The following DSCAM variants were observed in gnomAD, a reference collection of about 807,000 sequenced individuals.
DSCAM encodes the protein cell adhesion molecule DSCAM.
DSCAM carries 47 observed loss-of-function variants against 217.7 expected under a neutral mutation model. That is an observed-to-expected ratio of 0.22 (90% CI 0.17 to 0.28). DSCAM has a LOEUF of 0.28. Among genes scored for constraint, DSCAM ranks in the 10% least tolerant of loss-of-function variants. The probability of loss-of-function intolerance (pLI) is 1.00; values close to 1 mark genes in which losing one functional copy is unlikely to be tolerated. For synonymous variants in DSCAM, 1,056 were observed against 1,015.3 expected (o/e 1.04, Z -0.76); for missense variants, 2,080 against 2,618.3 (o/e 0.79, Z 4.49).
chr21:40,339,058 ATCT>A (rs1169179564), intron 7 of DSCAM, 58 bp downstream of exon 7: 64 of 1,581,596 alleles, frequency 4.0e-5, no homozygotes, highest in African/African-American at 1.9e-4. Flanking sequence ...GCATGCAGAA[ATCT>A]TCTTCTCCAC....
At chr21:40,051,003 T>C (rs2088922011) in intron 30 of DSCAM, among the ~76,000 whole-genome samples, 1 of 152,228 alleles carries the variant, frequency 6.6e-6, no homozygotes, top group Non-Finnish European at 1.5e-5. Context: ...TATATTACAA[T>C]GTTATTTCGT....
At chr21:40,794,549 A>AAG (rs2091674306) in intron 1 of DSCAM, among the ~76,000 whole-genome samples, 1 of 151,942 alleles carries the variant, frequency 6.6e-6, no homozygotes, top group Non-Finnish European at 1.5e-5. Flanking sequence ...TTGGAAAAAA[A>AAG]AAAAAAAAAG....
intron 11 of DSCAM, among the ~76,000 whole-genome samples, chr21:40,200,190 C>T (rs1213657621): frequency 6.6e-6 from 1 of 152,082 alleles, no homozygotes. Flanking sequence ...TTGAAATTTC[C>T]ATTTTCTCAG....
chr21:40,563,704 G>A lies in DSCAM; in HGVS notation c.508+129106C>T, dbSNP rs201563806. Among the ~76,000 whole-genome samples, 42 of 142,812 alleles carry A rather than the reference G, an allele frequency of 2.9e-4. 1 individual carries two copies. In the East Asian group the frequency reaches 6.3e-3, roughly 21 times the overall value. The allele number at this position is 142,812 out of a possible 152,430, so 93.7% of individuals were successfully genotyped here. A position where few individuals can be genotyped will look rare whatever the true frequency, so the allele number is the denominator to read the frequency against. ...TATGTTTATATATAGTTATATGTGTGTATATAGTTATGTTTATATATGTTT... is the reference window on the plus strand; with the variant it reads ...TATGTTTATATATAGTTATATGTGTATATATAGTTATGTTTATATATGTTT... On this transcript the variant is annotated intron_variant, in intron 3 of 32. Transcript: ENST00000400454.
At chr21:40,407,857 A>G (rs1209797942) in intron 3 of DSCAM, among the ~76,000 whole-genome samples, 1 of 152,180 alleles carries the variant, frequency 6.6e-6, no homozygotes, top group East Asian at 1.9e-4. Flanking sequence ...GTTTATCTTG[A>G]GTAATAACTT....
chr21:40,238,307 C>T (rs1195373345), intron 11 of DSCAM, among the ~76,000 whole-genome samples: 1 of 152,184 alleles, frequency 6.6e-6, no homozygotes, highest in Admixed American at 6.5e-5. Flanking sequence ...TTTGGACAAG[C>T]ATACTCAGGA....
rs533867187 is a variant in DSCAM, at chr21:40,378,476, C to G, written c.509-9231G>C. On this transcript the variant is annotated intron_variant, in intron 3 of 32. Transcript: ENST00000400454. ...TCCCTCTTGCAACGTCAAAGATTAT[C>G]CTATGGAAAAACTCAGAAGTGCACA... 1.3e-4 allele frequency among the ~76,000 whole-genome samples: 19 copies of G among 150,586 alleles called. No individual in the cohort carries two copies. In the South Asian group the frequency reaches 3.1e-3, roughly 25 times the overall value.
At chr21:40,174,413 A>T (rs1046585255) in intron 15 of DSCAM, among the ~76,000 whole-genome samples, 1 of 152,184 alleles carries the variant, frequency 6.6e-6, no homozygotes, top group Non-Finnish European at 1.5e-5. Flanking sequence ...TTTGCAGTAG[A>T]TACAGCAGAA....
chr21:40,576,917 A>T (rs1388046316), intron 3 of DSCAM, among the ~76,000 whole-genome samples: 1 of 151,796 alleles, frequency 6.6e-6, no homozygotes, highest in African/African-American at 2.4e-5. Context: ...GTTAGAGAAA[A>T]CGCCACACTT....
intron 11 of DSCAM, among the ~76,000 whole-genome samples, chr21:40,222,387 G>C (rs575521178): frequency 4.7e-4 from 71 of 152,248 alleles, no homozygotes; most frequent in African/African-American, 1.7e-3. Flanking sequence ...AATGCAATAG[G>C]GTAGGAAAAG....
At chr21:40,479,581 G>A (rs1050419464) in intron 3 of DSCAM, among the ~76,000 whole-genome samples, 4 of 152,148 alleles carry the variant, frequency 2.6e-5, no homozygotes, top group African/African-American at 4.8e-5. Flanking sequence ...GCAAGAGAAA[G>A]TGTGCAGGGG....
At chr21:40,017,798 C>T (rs926149303) in intron 32 of DSCAM, among the ~76,000 whole-genome samples, 27 of 152,170 alleles carry the variant, frequency 1.8e-4, no homozygotes, top group Middle Eastern at 3.2e-3. Flanking sequence ...GTGATCCACC[C>T]GCCTCAGCCT....
intron 5 of DSCAM, among the ~76,000 whole-genome samples, chr21:40,352,632 T>C (rs2074644751): frequency 6.6e-6 from 1 of 152,204 alleles, no homozygotes; most frequent in African/African-American, 2.4e-5. Flanking sequence ...ATTCTTGTGG[T>C]TAAATTTGTT....
At chr21:40,516,668 G>C (rs1191841152) in intron 3 of DSCAM, among the ~76,000 whole-genome samples, 3 of 152,116 alleles carry the variant, frequency 2.0e-5, no homozygotes, top group African/African-American at 4.8e-5. Context: ...CTGTCAAAAT[G>C]CATCTCTATC....
chr21:40,597,552 C>A (rs1245544863), intron 3 of DSCAM, among the ~76,000 whole-genome samples: 2 of 139,200 alleles, frequency 1.4e-5, no homozygotes, highest in Non-Finnish European at 3.0e-5. Flanking sequence ...TGCCTCCCAG[C>A]CTGGAATGCA....
At chr21:40,603,753 T>C (rs1319832111) in intron 3 of DSCAM, among the ~76,000 whole-genome samples, 1 of 152,096 alleles carries the variant, frequency 6.6e-6, no homozygotes, top group African/African-American at 2.4e-5. Flanking sequence ...TACTGTACAT[T>C]TCACTCCACT....
At chr21:40,102,433 T>A (rs1278572459) in intron 20 of DSCAM, among the ~76,000 whole-genome samples, 1 of 152,028 alleles carries the variant, frequency 6.6e-6, no homozygotes, top group Non-Finnish European at 1.5e-5. Context: ...CTGGGTAGAG[T>A]CGTGGGTTCC....
chr21:40,487,959 C>G (rs921228899), intron 3 of DSCAM, among the ~76,000 whole-genome samples: 1 of 152,172 alleles, frequency 6.6e-6, no homozygotes, highest in African/African-American at 2.4e-5. Context: ...GATGGCACTT[C>G]GCAAACTAAG....
chr21:40,454,615 G>GA (rs1271379413), intron 3 of DSCAM, among the ~76,000 whole-genome samples: 1 of 152,110 alleles, frequency 6.6e-6, no homozygotes, highest in Non-Finnish European at 1.5e-5. Flanking sequence ...ATTCATCTTT[G>GA]AAAAAAACTA....
Sources: allele counts gnomAD v4.1 joint callset (sites outside exome capture counted in the v4.1 genomes callset), GRCh38; gene constraint gnomAD v4.1.1; transcripts MANE v1.5; gene names NCBI Gene and HGNC (gene_info 2026-07-23, HGNC 2026-07-21).